Variants in C1orf21 observed in about 807,000 individuals in gnomAD.
The protein encoded by C1orf21 is uncharacterized protein C1orf21.
C1orf21 carries 3 observed loss-of-function variants against 18.7 expected under a neutral mutation model. The ratio of observed to expected loss-of-function variants is 0.16; its 90% confidence interval spans 0.07 to 0.42. C1orf21 has a LOEUF of 0.42. Ranked by LOEUF, C1orf21 falls within the 10% of genes least tolerant of loss-of-function variation. The probability of loss-of-function intolerance (pLI) is 0.99; values close to 1 mark genes in which losing one functional copy is unlikely to be tolerated. For synonymous variants in C1orf21, 41 were observed against 46.4 expected (o/e 0.88, Z 0.47); for missense variants, 104 against 143.6 (o/e 0.72, Z 1.41).
chr1:184,513,899 A>G (rs1658186740), intron 3 of C1orf21, among the ~76,000 whole-genome samples: 1 of 152,212 alleles, frequency 6.6e-6, no homozygotes, highest in Non-Finnish European at 1.5e-5. Context: ...TAAGAAACCA[A>G]AACAGAGAAT....
chr1:184,440,402 G>A (rs928386661), intron 1 of C1orf21, among the ~76,000 whole-genome samples: 5 of 151,836 alleles, frequency 3.3e-5, no homozygotes, highest in African/African-American at 9.7e-5. Flanking sequence ...GCCCTACACC[G>A]GCCATTTTGT....
At chr1:184,449,210 CTA>C (rs1657081170) in intron 1 of C1orf21, among the ~76,000 whole-genome samples, 1 of 151,032 alleles carries the variant, frequency 6.6e-6, no homozygotes, top group Non-Finnish European at 1.5e-5. Context: ...TCCCCCCACC[CTA>C]CAACAGGCCC....
chr1:184,600,133 C>T (rs1461236702), intron 5 of C1orf21, among the ~76,000 whole-genome samples: 1 of 152,006 alleles, frequency 6.6e-6, no homozygotes, highest in Non-Finnish European at 1.5e-5. Flanking sequence ...CACTTACAAA[C>T]ACTTAAAATG....
chr1:184,591,533 A>G (rs558483741), intron 4 of C1orf21, among the ~76,000 whole-genome samples: 9 of 152,332 alleles, frequency 5.9e-5, no homozygotes, highest in East Asian at 1.9e-4. Context: ...TAGGTCGGGC[A>G]TGGTGGCTCA....
intron 2 of C1orf21, among the ~76,000 whole-genome samples, chr1:184,498,605 C>T (rs1476061464): frequency 3.3e-5 from 5 of 152,074 alleles, no homozygotes; most frequent in Non-Finnish European, 7.4e-5. Context: ...TGTTTTAGGT[C>T]CTCCTGATGA....
intron 5 of C1orf21, among the ~76,000 whole-genome samples, chr1:184,616,013 G>C (rs1659817924): frequency 6.6e-6 from 1 of 152,132 alleles, no homozygotes. Flanking sequence ...CTACTGTGCT[G>C]TTGAACACTA....
At position 184,577,947 on chromosome 1, in the gene C1orf21, G is replaced by GTTTTTT. The variant is rs201196718; in HGVS notation, c.190-12787_190-12786insTTTTTT. Among the ~76,000 whole-genome samples the GTTTTTT allele has an allele frequency of 1.0e-3, 90 of 86,710 alleles. 3 individuals carry two copies. Among genetic ancestry groups the GTTTTTT allele is most frequent in the African/African-American group, 2.2e-3 (39 of 18,100 alleles). 56.9% of individuals were successfully genotyped at this position (86,710 alleles called of 152,430 possible). ...TCTTTGTCCGTTTGTTTTTTGTTTT[G>GTTTTTT]TTTTTGTTTTTTTTTTTTTTTTTTG... On this transcript the variant is annotated intron_variant, in intron 3 of 5. Coordinates refer to ENST00000235307, the MANE Select transcript of C1orf21 (RefSeq NM_030806.4).
intron 3 of C1orf21, among the ~76,000 whole-genome samples, chr1:184,512,070 A>G (rs1658158309): frequency 6.6e-6 from 1 of 152,222 alleles, no homozygotes; most frequent in East Asian, 1.9e-4. Context: ...AAGCCTCTTA[A>G]GACTCCAAGG....
intron 5 of C1orf21, among the ~76,000 whole-genome samples, chr1:184,616,386 T>C (rs1026175523): frequency 2.6e-5 from 4 of 152,264 alleles, no homozygotes; most frequent in African/African-American, 7.2e-5. Flanking sequence ...CTTGCAGGAC[T>C]GATATAAATA....
rs148517573 is a variant in C1orf21, at chr1:184,401,742, A to T, written c.-125+14374A>T. Among the ~76,000 whole-genome samples, 39 of 151,998 alleles carry T rather than the reference A, an allele frequency of 2.6e-4. No individual in the cohort carries two copies. In the East Asian group the frequency reaches 3.5e-3, roughly 14 times the overall value. ...TATAGAGCAAGACATATGTAAATACAATACATGTGTAAATATTTAGTAGAT... is the reference window on the plus strand; with the variant it reads ...TATAGAGCAAGACATATGTAAATACTATACATGTGTAAATATTTAGTAGAT... On this transcript the variant is annotated intron_variant, in intron 1 of 5. Coordinates refer to ENST00000235307, the MANE Select transcript of C1orf21 (RefSeq NM_030806.4).
At chr1:184,431,295 AG>A (rs1440322797) in intron 1 of C1orf21, among the ~76,000 whole-genome samples, 1 of 152,258 alleles carries the variant, frequency 6.6e-6, no homozygotes, top group Non-Finnish European at 1.5e-5. Flanking sequence ...AACAGAACAG[AG>A]GCCTCAGAAA....
At chr1:184,394,581 C>G (rs1055873218) in intron 1 of C1orf21, among the ~76,000 whole-genome samples, 15 of 152,112 alleles carry the variant, frequency 9.9e-5, no homozygotes, top group African/African-American at 3.6e-4. Context: ...CCTGTATTAG[C>G]ACTATGTCCT....
intron 3 of C1orf21, among the ~76,000 whole-genome samples, chr1:184,578,623 G>GT (rs1172483940): frequency 6.6e-6 from 1 of 152,120 alleles, no homozygotes. Flanking sequence ...CATCAATACA[G>GT]TTTTTTCTAT....
At chr1:184,476,283 G>A (rs1016122347) in intron 1 of C1orf21, among the ~76,000 whole-genome samples, 1 of 152,142 alleles carries the variant, frequency 6.6e-6, no homozygotes, top group Admixed American at 6.5e-5. Flanking sequence ...TGGGCGGGGG[G>A]CAGTGGGACG....
intron 3 of C1orf21, among the ~76,000 whole-genome samples, chr1:184,513,459 C>T (rs527802806): frequency 6.6e-6 from 1 of 152,324 alleles, no homozygotes; most frequent in South Asian, 2.1e-4. Context: ...AGATGGTTTA[C>T]AGTAGAGGAC....
intron 1 of C1orf21, among the ~76,000 whole-genome samples, chr1:184,447,297 A>G (rs887404987): frequency 1.3e-5 from 2 of 152,196 alleles, no homozygotes; most frequent in Non-Finnish European, 2.9e-5. Context: ...TGCATATGCA[A>G]ATGTGCATTT....
chr1:184,525,114 G>A (rs985686924), intron 3 of C1orf21, among the ~76,000 whole-genome samples: 5 of 151,556 alleles, frequency 3.3e-5, no homozygotes, highest in Non-Finnish European at 5.9e-5. Flanking sequence ...AAACATACCT[G>A]CAGGGATAAA....
intron 4 of C1orf21, among the ~76,000 whole-genome samples, chr1:184,591,613 T>C (rs917870730): frequency 1.3e-5 from 2 of 152,130 alleles, no homozygotes; most frequent in African/African-American, 2.4e-5. Flanking sequence ...GAGACCATCC[T>C]GGCTAACACG....
intron 2 of C1orf21, among the ~76,000 whole-genome samples, chr1:184,501,517 A>G (rs1657976445): frequency 1.3e-5 from 2 of 152,036 alleles, no homozygotes; most frequent in African/African-American, 4.8e-5. Flanking sequence ...TGTGCTTTTC[A>G]TGGCCATAAA....
Sources: gnomAD v4.1 joint callset for allele counts (sites outside exome capture counted in the v4.1 genomes callset) on GRCh38, gnomAD v4.1.1 for gene constraint, MANE v1.5 for transcripts, NCBI Gene and HGNC (gene_info 2026-07-23, HGNC 2026-07-21) for gene names.